Variants in AGAP6 observed in about 807,000 individuals in gnomAD.
AGAP6 encodes arf-GAP with GTPase, ANK repeat and PH domain-containing protein 6.
In AGAP6, 29 loss-of-function variants were observed where a neutral mutation model predicts 63.9. The ratio of observed to expected loss-of-function variants is 0.45; its 90% CI spans 0.34 to 0.62. The LOEUF (loss-of-function observed/expected upper bound fraction) is 0.62, where lower values mean the gene tolerates loss of function less well. AGAP6 is among the 20% of genes least tolerant of loss of function. The probability of loss-of-function intolerance (pLI) is 0.01; values close to 1 mark genes in which losing one functional copy is unlikely to be tolerated. For missense variants in AGAP6, 493 were observed against 884.9 expected, an observed-to-expected ratio of 0.56 and a Z score of 5.62; for synonymous variants, 199 against 332.9, an observed-to-expected ratio of 0.60 and a Z score of 4.38.
At chr10:49,990,860 T>C (rs1268208378) in intron 2 of AGAP6, among the ~76,000 whole-genome samples, 1 of 152,132 alleles carries the variant, frequency 6.6e-6, no homozygotes, top group Non-Finnish European at 1.5e-5. Flanking sequence ...AAGGATTGCT[T>C]TAGAATAAAC....
chr10:49,999,397 T>A (rs1554862605), intron 4 of AGAP6, among the ~76,000 whole-genome samples: 1 of 137,896 alleles, frequency 7.3e-6, no homozygotes, highest in East Asian at 2.4e-4. Flanking sequence ...GAAAAAGCAT[T>A]TGACAAAATG....
chr10:49,995,059 A>G (rs1291994542), intron 4 of AGAP6, among the ~76,000 whole-genome samples: 1 of 151,796 alleles, frequency 6.6e-6, no homozygotes, highest in Non-Finnish European at 1.5e-5. Context: ...AGCACTGTCT[A>G]TTGACTTTCT....
At chr10:49,995,086 G>T (rs552829937) in intron 4 of AGAP6, among the ~76,000 whole-genome samples, 77 of 151,736 alleles carry the variant, frequency 5.1e-4, no homozygotes, top group African/African-American at 1.8e-3. Flanking sequence ...GCAGGTAAAA[G>T]CATACCTTCC....
chr10:49,994,974 A>AG (rs1841430823), intron 4 of AGAP6, among the ~76,000 whole-genome samples: 1 of 151,436 alleles, frequency 6.6e-6, no homozygotes, highest in African/African-American at 2.4e-5. Context: ...AAAAAAAAAA[A>AG]AAAAAAAAAG....
At chr10:49,994,335 A>G (rs1297123250) in intron 3 of AGAP6, 60 bp from the exon 4 acceptor site, 4 of 1,473,196 alleles carry the variant, frequency 2.7e-6, no homozygotes, top group Non-Finnish European at 3.6e-6. Context: ...GATGTTAACA[A>G]CTACTTTTAT....
chr10:49,999,124 T>C (rs1841600876), intron 4 of AGAP6, among the ~76,000 whole-genome samples: 1 of 136,110 alleles, frequency 7.3e-6, no homozygotes, highest in African/African-American at 2.8e-5. Flanking sequence ...TGTAATCCCA[T>C]CTACTCAGGT....
intron 4 of AGAP6, among the ~76,000 whole-genome samples, chr10:49,997,038 A>G (rs1217352802): frequency 6.8e-6 from 1 of 147,354 alleles, no homozygotes; most frequent in Non-Finnish European, 1.5e-5. Context: ...AATCTATTAT[A>G]TTTAATCCAA....
At chr10:49,995,612 G>T (rs1325411721) in intron 4 of AGAP6, among the ~76,000 whole-genome samples, 1 of 152,054 alleles carries the variant, frequency 6.6e-6, no homozygotes, top group Non-Finnish European at 1.5e-5. Context: ...AGATATGCTC[G>T]ATGTCTGCTT....
intron 5 of AGAP6, among the ~76,000 whole-genome samples, chr10:50,002,987 TC>T (rs1841769213): frequency 6.6e-6 from 1 of 151,938 alleles, no homozygotes; most frequent in Admixed American, 6.6e-5. Context: ...ATGTCTGTAG[TC>T]AGCTAAGTCT....
chr10:50,010,293 T>C lies in AGAP6; in HGVS notation c.*107T>C. The C allele has an allele frequency of 1.3e-6, 2 of 1,598,592 alleles. No homozygotes were observed. Among genetic ancestry groups the C allele is most frequent in the African/African-American group, 2.7e-5 (2 of 74,602 alleles). On this transcript the variant is annotated 3_prime_UTR_variant, in exon 8 of 8. Transcript: ENST00000412531. ...ATCACAAATTCAGCTAATATTAGCA[T>C]TTTCAGTACTTTTCGTAAACTAAGT... is the stretch of plus-strand genomic sequence containing the variant.
chr10:50,006,988 T>A (rs1841934236), intron 6 of AGAP6, among the ~76,000 whole-genome samples: 1 of 151,594 alleles, frequency 6.6e-6, no homozygotes, highest in Non-Finnish European at 1.5e-5. Flanking sequence ...CCACTTTTGC[T>A]TTTATATAAT....
chr10:49,995,457 T>C (rs1454268801), intron 4 of AGAP6, among the ~76,000 whole-genome samples: 2 of 152,212 alleles, frequency 1.3e-5, no homozygotes, highest in African/African-American at 4.8e-5. Flanking sequence ...CAGCTGTTTT[T>C]CCCCCAAGTA....
At chr10:50,006,954 A>T (rs1476170032) in intron 6 of AGAP6, among the ~76,000 whole-genome samples, 2 of 151,984 alleles carry the variant, frequency 1.3e-5, no homozygotes, top group African/African-American at 4.8e-5. Flanking sequence ...GCCTTGATTT[A>T]TGCTGAGAAA....
Position 49,990,481 on chromosome 10 carries a change from GTC to G in AGAP6, c.292+1109_292+1110del, listed in dbSNP as rs1273199178. On this transcript the variant is annotated intron_variant, in intron 2 of 7. Transcript: ENST00000412531. ...AAGGAAAGAAAGTTGGAGTTTTTTA[GTC>G]TCTATGCTGTTGGCAGAGGCAGGGG... Among the ~76,000 whole-genome samples, 27 of 152,306 alleles carry G rather than the reference GTC, an allele frequency of 1.8e-4. No individual in the cohort carries two copies. In the East Asian group the frequency reaches 3.3e-3, roughly 18 times the overall value.
chr10:50,002,037 G>A lies in AGAP6; in HGVS notation c.438G>A (p.Ser146=), dbSNP rs782796372. Residue 146 remains serine (S), a synonymous_variant, in exon 5 of 8, where the codon TCG becomes TCA. Transcript: ENST00000412531. The part of the protein sequence containing the change: ...VRFSQQYSLC[S]TIFLDDSTAI... ...TCAGTCAACAATACAGCTTGTGTTC[G>A]ACAATATTCCTTGATGACAGCACAG... 8.7e-6 allele frequency: 14 copies of A among 1,612,346 alleles called. No homozygotes were observed. The highest frequency in any genetic ancestry group is 5.3e-5 in the African/African-American group (4 of 74,836).
In AGAP6 at chr10:49,988,842, G is replaced by T. The variant is rs1554860126; in HGVS notation, c.127G>T (p.Ala43Ser). Reference protein sequence around the residue: ...EAGARDRMAGAPMAAAVQPAE... With the variant: ...EAGARDRMAGSPMAAAVQPAE... Reference sequence around the variant, plus strand: ...AGGAGCTAGGGACAGGATGGCAGGAGCGCCCATGGCTGCTGCTGTACAGCC... The same window carrying T: ...AGGAGCTAGGGACAGGATGGCAGGATCGCCCATGGCTGCTGCTGTACAGCC... Residue 43 changes from alanine (A) to serine (S), a missense_variant, in exon 1 of 8, where the codon GCG (alanine) becomes TCG (serine). Around this residue, in one of 7 missense-constraint regions of AGAP6, gnomAD observed 342 missense variants for 533.4 expected, o/e 0.64. Transcript: ENST00000412531. 3 of 1,598,144 alleles carry T rather than the reference G, an allele frequency of 1.9e-6. No homozygotes were observed. Among genetic ancestry groups the T allele is most frequent in the Admixed American group, 1.7e-5 (1 of 59,954 alleles).
chr10:50,004,898 A>G (rs1392603681), intron 6 of AGAP6, among the ~76,000 whole-genome samples, 178 bp downstream of exon 6: 4 of 152,244 alleles, frequency 2.6e-5, no homozygotes, highest in African/African-American at 9.6e-5. Flanking sequence ...AATGACTGAG[A>G]ATCTCAAAGA....
intron 4 of AGAP6, among the ~76,000 whole-genome samples, chr10:49,998,407 G>A (rs1841575011): frequency 9.8e-6 from 1 of 101,532 alleles, no homozygotes; most frequent in Non-Finnish European, 1.9e-5. Context: ...TGAGAGTTGA[G>A]GATCCAGTTT....
At chr10:50,006,870 G>A (rs1419187836) in intron 6 of AGAP6, among the ~76,000 whole-genome samples, 37 of 151,690 alleles carry the variant, frequency 2.4e-4, no homozygotes, top group Admixed American at 2.1e-3. Flanking sequence ...ACGTTCTTAC[G>A]AAATTCAGGC....
Sources: gnomAD v4.1 joint callset for allele counts (sites outside exome capture counted in the v4.1 genomes callset) on GRCh38, gnomAD v4.1.1 for gene constraint, gnomAD v4.1.1 regional missense constraint, MANE v1.5 for transcripts, NCBI Gene and HGNC (gene_info 2026-07-23, HGNC 2026-07-21) for gene names.